The following ZNF592 variants were observed in gnomAD, a reference collection of about 807,000 sequenced individuals.
ZNF592 encodes the protein zinc finger protein 592.
ZNF592 carries 11 observed loss-of-function variants against 80.3 expected under a neutral mutation model. That is an observed-to-expected ratio of 0.14 (90% CI 0.09 to 0.23). ZNF592 has a LOEUF of 0.23. Among genes scored for constraint, ZNF592 ranks in the 10% least tolerant of loss-of-function variants. ZNF592 has a pLI of 1.00. For missense variants in ZNF592, 1,420 were observed against 1,633.9 expected, an observed-to-expected ratio of 0.87 and a Z score of 2.26; for synonymous variants, 646 against 640.3, an observed-to-expected ratio of 1.01 and a Z score of -0.13.
chr15:84,794,497 A>G (rs1408380479), intron 5 of ZNF592, among the ~76,000 whole-genome samples: 12 of 146,284 alleles, frequency 8.2e-5, no homozygotes, highest in Admixed American at 1.4e-4. Context: ...TTTTTTTTTG[A>G]GACAGTCTTA....
chr15:84,799,118 C>T lies in ZNF592; in HGVS notation c.3045C>T (p.Cys1015=). ...SHGRTLKRYP[C]RQCEQSFHTP... ...CTTAGACATTGAAGCGGTACCCATG[C>T]CGGCAGTGTGAACAGTCCTTCCACA... is the stretch of plus-strand genomic sequence containing the variant. Residue 1015 remains cysteine (C), a synonymous_variant, in exon 9 of 11, where the codon TGC becomes TGT. Transcript: ENST00000560079. The surrounding 1 kb of genome is among the most constrained non-coding windows in gnomAD (Gnocchi z 4.2). 2 of 1,614,168 alleles carry T rather than the reference C, an allele frequency of 1.2e-6. No individual in the cohort carries two copies. The highest frequency in any genetic ancestry group is 1.7e-6 in the Non-Finnish European group (2 of 1,180,026).
intron 1 of ZNF592, among the ~76,000 whole-genome samples, chr15:84,750,015 G>C (rs1170985548): frequency 6.6e-6 from 1 of 152,226 alleles, no homozygotes; most frequent in Non-Finnish European, 1.5e-5. Context: ...ATAATTAATA[G>C]TCGTGGCCGG....
chr15:84,799,992 C>A lies in ZNF592; in HGVS notation c.3273+15C>A, dbSNP rs755204749. Reference sequence around the variant, plus strand: ...ATTCCCCTCAGGTGAGTGTGGGCTCCCTGCCTATTGGAGCTGGCTGCTCAG... The same window carrying A: ...ATTCCCCTCAGGTGAGTGTGGGCTCACTGCCTATTGGAGCTGGCTGCTCAG... On this transcript the variant is annotated intron_variant, in intron 10 of 10. Transcript: ENST00000560079. This position sits in a 1 kb window ranked among gnomAD's most constrained non-coding sequence, Gnocchi z 4.2. 6.8e-6 allele frequency: 11 copies of A among 1,614,020 alleles called. No homozygotes were observed. Among genetic ancestry groups the A allele is most frequent in the Middle Eastern group, 1.6e-4 (1 of 6,084 alleles).
Position 84,784,848 on chromosome 15 carries a change from G to T in ZNF592, c.2173G>T (p.Val725Phe). The T allele has an allele frequency of 6.2e-7, 1 of 1,614,102 alleles. No homozygotes were observed. The highest frequency in any genetic ancestry group is 1.1e-5 in the South Asian group (1 of 91,082). ...ECHKQMRDYMVLAAHFQRTTE... is the reference protein window; with the variant it reads ...ECHKQMRDYMFLAAHFQRTTE... Reference sequence around the variant, plus strand: ...TCACAAGCAGATGCGGGACTACATGGTCCTGGCTGCACATTTCCAGAGGAC... The same window carrying T: ...TCACAAGCAGATGCGGGACTACATGTTCCTGGCTGCACATTTCCAGAGGAC... The change falls in exon 4 of 11, where the codon GTC becomes TTC. Residue 725 changes from valine to phenylalanine, a missense_variant. Around this residue, in one of 7 missense-constraint regions of ZNF592, gnomAD observed 524 missense variants for 628.3 expected, o/e 0.83. Coordinates refer to ENST00000560079, the MANE Select transcript of ZNF592 (RefSeq NM_014630.3). The surrounding 1 kb of genome is among the most constrained non-coding windows in gnomAD (Gnocchi z 5.8).
At chr15:84,765,049 T>TCTGTAC (rs1899466912) in intron 2 of ZNF592, among the ~76,000 whole-genome samples, 1 of 152,144 alleles carries the variant, frequency 6.6e-6, no homozygotes, top group African/African-American at 2.4e-5. Context: ...ATACTAAAAC[T>TCTGTAC]CTGTACCTAT....
chr15:84,774,676 CT>C (rs1449961875), intron 2 of ZNF592, among the ~76,000 whole-genome samples: 1 of 151,614 alleles, frequency 6.6e-6, no homozygotes, highest in East Asian at 1.9e-4. Flanking sequence ...TTATTTTGTT[CT>C]GTTTTTTTTT....
At chr15:84,795,326 G>C (rs901655301) in intron 5 of ZNF592, among the ~76,000 whole-genome samples, 1 of 152,040 alleles carries the variant, frequency 6.6e-6, no homozygotes, top group Non-Finnish European at 1.5e-5. Context: ...TGTCTATCTC[G>C]TCTTAAAAAA....
chr15:84,752,950 G>A lies in ZNF592; in HGVS notation c.-259+4286G>A, dbSNP rs575308167. On this transcript the variant is annotated intron_variant, in intron 1 of 10. Transcript: ENST00000560079. ...CAGATGTTTCTGTCCTCTGGCCATT[G>A]CTCCTCACTTTCTGGCCAGGGCTGG... Among the ~76,000 whole-genome samples, 7 of 152,264 alleles carry A rather than the reference G, an allele frequency of 4.6e-5. No individual in the cohort carries two copies. The East Asian group carries it at 1.4e-3, about 29-fold the overall frequency.
In ZNF592 at chr15:84,799,217, C is replaced by T. The variant is rs766070222; in HGVS notation, c.3137+7C>T. On this transcript the variant is annotated splice_region_variant and intron_variant, in intron 9 of 10. Coordinates refer to ENST00000560079, the MANE Select transcript of ZNF592 (RefSeq NM_014630.3). The surrounding 1 kb of genome is among the most constrained non-coding windows in gnomAD (Gnocchi z 4.2). ...AGAAGTTCTACACCTGCGGGTGAGT[C>T]CCTGGGGATAGTAGTGAGGAGGCCT... 6.2e-7 allele frequency: 1 copy of T among 1,613,662 alleles called. No individual in the cohort carries two copies. Among genetic ancestry groups the T allele is most frequent in the South Asian group, 1.1e-5 (1 of 91,068 alleles).
intron 3 of ZNF592, among the ~76,000 whole-genome samples, chr15:84,780,642 A>G (rs1487594129): frequency 1.3e-5 from 2 of 152,198 alleles, no homozygotes; most frequent in East Asian, 3.8e-4. Context: ...ACTCATATGC[A>G]GGCAGATGTG....
At chr15:84,766,384 C>A (rs1477409487) in intron 2 of ZNF592, among the ~76,000 whole-genome samples, 2 of 152,158 alleles carry the variant, frequency 1.3e-5, no homozygotes, top group Non-Finnish European at 2.9e-5. Flanking sequence ...CAGGGACATA[C>A]AATAGGCACA....
In ZNF592 at chr15:84,798,503, G is replaced by A. The variant is rs1962991557; in HGVS notation, c.2736+29G>A. On this transcript the variant is annotated intron_variant, in intron 7 of 10. Coordinates refer to ENST00000560079, the MANE Select transcript of ZNF592 (RefSeq NM_014630.3). This position sits in a 1 kb window ranked among gnomAD's most constrained non-coding sequence, Gnocchi z 4.5. The stretch of plus-strand genomic sequence containing the variant: ...GGATGCCTTGCGGGAGGAGGCCGGG[G>A]AGGAGGGCACATGCCTCAGGCTGGG... The A allele has an allele frequency of 6.2e-7, 1 of 1,613,788 alleles. No individual in the cohort carries two copies. The highest frequency in any genetic ancestry group is 1.7e-5 in the Admixed American group (1 of 59,990).
chr15:84,791,612 T>A (rs889076700), intron 5 of ZNF592, among the ~76,000 whole-genome samples: 2 of 152,218 alleles, frequency 1.3e-5, no homozygotes, highest in Non-Finnish European at 2.9e-5. Flanking sequence ...GTCTTCGGCA[T>A]TGTGTTAGAC....
intron 10 of ZNF592, 38 bp downstream of exon 10, chr15:84,800,015 C>T: frequency 2.5e-6 from 4 of 1,613,898 alleles, no homozygotes; most frequent in Non-Finnish European, 2.5e-6. Flanking sequence ...GCTGGCTGCT[C>T]AGTGAGGCTT....
chr15:84,786,076 C>T (rs1962578978), intron 4 of ZNF592, among the ~76,000 whole-genome samples: 1 of 152,106 alleles, frequency 6.6e-6, no homozygotes, highest in Non-Finnish European at 1.5e-5. Context: ...TCAGTTCAGC[C>T]AGGGTTCTGT....
intron 2 of ZNF592, 74 bp downstream of exon 2, chr15:84,764,889 G>T: frequency 2.8e-6 from 1 of 362,966 alleles, no homozygotes; most frequent in Non-Finnish European, 4.6e-6. Context: ...TTGTTCCCTG[G>T]ATTTTGTTTT....
intron 5 of ZNF592, among the ~76,000 whole-genome samples, chr15:84,795,321 A>G (rs1484556430): frequency 1.3e-5 from 2 of 152,226 alleles, no homozygotes; most frequent in African/African-American, 4.8e-5. Flanking sequence ...ATAATTGTCT[A>G]TCTCGTCTTA....
At chr15:84,767,819 A>G (rs1025212488) in intron 2 of ZNF592, among the ~76,000 whole-genome samples, 15 of 151,828 alleles carry the variant, frequency 9.9e-5, no homozygotes, top group Admixed American at 3.3e-4. Flanking sequence ...GCACAATTCA[A>G]TGGTATTTCA....
At chr15:84,754,967 T>TG (rs1487409482) in intron 1 of ZNF592, among the ~76,000 whole-genome samples, 2 of 147,778 alleles carry the variant, frequency 1.4e-5, no homozygotes, top group Non-Finnish European at 3.0e-5. Context: ...TGAGTTGTTT[T>TG]TTTTTTTTTT....
Sources: allele counts gnomAD v4.1 joint callset (sites outside exome capture counted in the v4.1 genomes callset), GRCh38; gene constraint gnomAD v4.1.1; regional missense constraint gnomAD v4.1.1; non-coding constraint Gnocchi (gnomAD v3.1); transcripts MANE v1.5; gene names NCBI Gene and HGNC (gene_info 2026-07-23, HGNC 2026-07-21).